Variants in LCMT1 observed in about 807,000 individuals in gnomAD.
LCMT1 encodes leucine carboxyl methyltransferase 1, also known as [Phosphatase 2A protein]-leucine-carboxy methyltransferase 1.
Under a neutral mutation model 47.7 loss-of-function variants are expected in LCMT1, and 32 were observed. That is an observed-to-expected ratio of 0.67 (90% CI 0.51 to 0.90). The LOEUF is 0.90. Ranked by LOEUF, LCMT1 falls within the 40% of genes least tolerant of loss-of-function variation. LCMT1 has a pLI of 0.00. For missense variants in LCMT1, 375 were observed against 415.2 expected (o/e 0.90, Z 0.84); for synonymous variants, 152 against 149.7 (o/e 1.02, Z -0.11).
chr16:25,140,091 G>T (rs745866074), intron 3 of LCMT1, 80 bp from the exon 4 acceptor site: 181 of 1,003,762 alleles, frequency 1.8e-4, no homozygotes, highest in Non-Finnish European at 2.6e-4. Flanking sequence ...TTGCTCTTAG[G>T]TGCCTAGTGC....
chr16:25,155,300 G>A (rs149997902), intron 5 of LCMT1, among the ~76,000 whole-genome samples: 2,432 of 152,186 alleles, frequency 0.016, 60 homozygotes, highest in African/African-American at 0.056. Context: ...GCCGGGTGTG[G>A]TGTCTCACAC....
chr16:25,162,775 A>C (rs1321676714), intron 6 of LCMT1, among the ~76,000 whole-genome samples: 1 of 152,200 alleles, frequency 6.6e-6, no homozygotes, highest in East Asian at 1.9e-4. Flanking sequence ...ATAATTCCTA[A>C]TCCCAATACC....
At chr16:25,162,777 C>T (rs1016003749) in intron 6 of LCMT1, among the ~76,000 whole-genome samples, 4 of 152,126 alleles carry the variant, frequency 2.6e-5, no homozygotes, top group Admixed American at 6.6e-5. Flanking sequence ...AATTCCTAAT[C>T]CCAATACCTA....
At chr16:25,112,131 T>A (rs1959640223) in intron 1 of LCMT1, 135 bp downstream of exon 1, 1 of 711,186 alleles carries the variant, frequency 1.4e-6, no homozygotes, top group Admixed American at 2.0e-5. Context: ...GCTTCCCACC[T>A]GTGAAGTGCA....
In LCMT1 at chr16:25,111,972, G is replaced by C. The variant is rs1398193016; in HGVS notation, c.89G>C (p.Cys30Ser). The change falls in exon 1 of 11, where the codon TGC becomes TCC. Residue 30 changes from cysteine (C) to serine (S), a missense_variant. Transcript: ENST00000399069. The stretch of plus-strand genomic sequence containing the variant: ...GACGACGAGGGCGTGCGCGGCACCT[G>C]CGAAGATGCTTCCCTGTGCAAGAGG... ...DADDEGVRGT[C>S]EDASLCKRFA... 6.2e-7 allele frequency: 1 copy of C among 1,613,250 alleles called. No homozygotes were observed. Among genetic ancestry groups the C allele is most frequent in the Non-Finnish European group, 8.5e-7 (1 of 1,179,582 alleles).
At chr16:25,133,588 G>C (rs534797219) in intron 3 of LCMT1, among the ~76,000 whole-genome samples, 1 of 150,506 alleles carries the variant, frequency 6.6e-6, no homozygotes, top group Admixed American at 6.6e-5. Flanking sequence ...TAGTAGAGAC[G>C]GGGTTTCACC....
intron 4 of LCMT1, among the ~76,000 whole-genome samples, chr16:25,150,315 CA>C (rs1213153147): frequency 6.9e-6 from 1 of 145,522 alleles, no homozygotes; most frequent in Non-Finnish European, 1.5e-5. Flanking sequence ...AAGATCAAGG[CA>C]TCTTCATAGT....
intron 5 of LCMT1, among the ~76,000 whole-genome samples, chr16:25,156,401 G>A (rs889355027): frequency 6.6e-6 from 1 of 152,216 alleles, no homozygotes; most frequent in Non-Finnish European, 1.5e-5. Flanking sequence ...ATACTCACGT[G>A]ACTGCTTGAA....
chr16:25,125,872 T>TAAC, intron 1 of LCMT1: 1 of 241,980 alleles, frequency 4.1e-6, no homozygotes, highest in Non-Finnish European at 6.7e-6. Context: ...ATAATAATAA[T>TAAC]AGTTTTGTTG....
At chr16:25,163,317 AT>A (rs902739442) in intron 6 of LCMT1, among the ~76,000 whole-genome samples, 1 of 152,098 alleles carries the variant, frequency 6.6e-6, no homozygotes, top group African/African-American at 2.4e-5. Flanking sequence ...AAATACAAAA[AT>A]TAGGTGGGTC....
At chr16:25,130,798 A>T (rs1239485283) in intron 2 of LCMT1, among the ~76,000 whole-genome samples, 1 of 152,226 alleles carries the variant, frequency 6.6e-6, no homozygotes, top group East Asian at 1.9e-4. Flanking sequence ...CCTGCCCCTT[A>T]GAAACTCCAG....
chr16:25,163,693 C>T lies in LCMT1; in HGVS notation c.570-905C>T, dbSNP rs761241324. On this transcript the variant is annotated intron_variant, in intron 6 of 10. Coordinates refer to ENST00000399069, the MANE Select transcript of LCMT1 (RefSeq NM_016309.3). ...TGGGGTATCTGCTTTGAAGAAGTGCCGGGAAGCATCTGATAGGCCACTTGA... is the reference window on the plus strand; with the variant it reads ...TGGGGTATCTGCTTTGAAGAAGTGCTGGGAAGCATCTGATAGGCCACTTGA... Among the ~76,000 whole-genome samples, 25 of 152,126 alleles carry T rather than the reference C, an allele frequency of 1.6e-4. No homozygotes were observed. The East Asian group carries it at 2.9e-3, about 18-fold the overall frequency.
At chr16:25,149,910 CAAA>C (rs34229848) in intron 4 of LCMT1, among the ~76,000 whole-genome samples, 6 of 60,200 alleles carry the variant, frequency 1.0e-4, no homozygotes, top group African/African-American at 1.3e-4. Flanking sequence ...AAGACTGTCT[CAAA>C]AAAAAAAAAA....
intron 4 of LCMT1, chr16:25,148,905 GA>G (rs1198169426): frequency 6.6e-6 from 1 of 152,268 alleles, no homozygotes; most frequent in Non-Finnish European, 1.5e-5. Context: ...GCTTGTGCTT[GA>G]GCGCACGGGG....
intron 10 of LCMT1, among the ~76,000 whole-genome samples, chr16:25,175,256 C>T (rs1280925292): frequency 6.6e-6 from 1 of 152,120 alleles, no homozygotes; most frequent in Non-Finnish European, 1.5e-5. Flanking sequence ...ATCCTCCTGC[C>T]TCCTGAGTAG....
At position 25,170,822 on chromosome 16, in the gene LCMT1, C is replaced by T. The variant is rs776477797; in HGVS notation, c.884+17C>T. On this transcript the variant is annotated intron_variant, in intron 9 of 10. Transcript: ENST00000399069. ...AGTGAGCAGGTATGGGGTTGGTGAG[C>T]GTCAGCTTGATGGGCATTCATTGTG... 17 of 1,560,164 alleles carry T rather than the reference C, an allele frequency of 1.1e-5. No homozygotes were observed. Among genetic ancestry groups the T allele is most frequent in the Admixed American group, 1.7e-5 (1 of 57,906 alleles).
chr16:25,152,384 G>C (rs541804915), intron 5 of LCMT1, among the ~76,000 whole-genome samples: 40 of 152,238 alleles, frequency 2.6e-4, no homozygotes, highest in African/African-American at 8.4e-4. Context: ...TCACTCTGGG[G>C]TCCCCTTGGT....
intron 7 of LCMT1, among the ~76,000 whole-genome samples, chr16:25,165,622 A>G (rs971557767): frequency 1.3e-5 from 2 of 151,602 alleles, no homozygotes; most frequent in East Asian, 3.9e-4. Flanking sequence ...GGTTCAAGCG[A>G]TTCTCCTGCC....
At chr16:25,112,114 G>T in intron 1 of LCMT1, 118 bp downstream of exon 1, 2 of 728,264 alleles carry the variant, frequency 2.7e-6, no homozygotes, top group Admixed American at 4.0e-5. Flanking sequence ...CGCCTCGCAC[G>T]ACCCTCGCTT....
Sources: gnomAD v4.1 joint callset for allele counts (sites outside exome capture counted in the v4.1 genomes callset) on GRCh38, gnomAD v4.1.1 for gene constraint, MANE v1.5 for transcripts, NCBI Gene and HGNC (gene_info 2026-07-23, HGNC 2026-07-21) for gene names.